Variants in FAM227B observed in about 807,000 individuals in gnomAD.
FAM227B encodes family with sequence similarity 227 member B, also known as protein FAM227B.
FAM227B carries 88 observed loss-of-function variants against 73.8 expected under a neutral mutation model. The ratio of observed to expected loss-of-function variants is 1.19; its 90% CI spans 1.00 to 1.42. The LOEUF (loss-of-function observed/expected upper bound fraction) is 1.42. FAM227B is among the 40% of genes most tolerant of loss of function. The probability of loss-of-function intolerance (pLI) is 0.00; values close to 1 mark genes in which losing one functional copy is unlikely to be tolerated. For synonymous variants in FAM227B, 210 were observed against 190.5 expected (o/e 1.10, Z -0.84); for missense variants, 632 against 590.9 (o/e 1.07, Z -0.72).
At chr15:49,394,849 T>A (rs1398650105) in intron 11 of FAM227B, among the ~76,000 whole-genome samples, 1 of 152,184 alleles carries the variant, frequency 6.6e-6, no homozygotes, top group African/African-American at 2.4e-5. Flanking sequence ...TTGTTCCATT[T>A]GTACCTTCAC....
At chr15:49,393,076 G>T (rs2151580635) in intron 11 of FAM227B, among the ~76,000 whole-genome samples, 1 of 152,272 alleles carries the variant, frequency 6.6e-6, no homozygotes, top group Non-Finnish European at 1.5e-5. Context: ...GTATAAAGTG[G>T]AGTATTTTTA....
At chr15:49,531,238 T>C (rs1271654820) in intron 10 of FAM227B, among the ~76,000 whole-genome samples, 2 of 151,922 alleles carry the variant, frequency 1.3e-5, no homozygotes, top group Non-Finnish European at 2.9e-5. Flanking sequence ...TTCATGTATA[T>C]ATGTCTGTGT....
chr15:49,345,313 T>C (rs1425745828), intron 13 of FAM227B, among the ~76,000 whole-genome samples: 3 of 152,206 alleles, frequency 2.0e-5, no homozygotes, highest in Non-Finnish European at 4.4e-5. Context: ...GTCATTCTAA[T>C]TGTAAAATTT....
intron 9 of FAM227B, among the ~76,000 whole-genome samples, chr15:49,554,246 G>T (rs2073389061): frequency 6.6e-6 from 1 of 152,116 alleles, no homozygotes; most frequent in Admixed American, 6.5e-5. Flanking sequence ...AGAGCTGTGA[G>T]CTGTGCAGCC....
Position 49,500,066 on chromosome 15 carries a change from A to G in FAM227B, c.1012+8145T>C, listed in dbSNP as rs117853982. On this transcript the variant is annotated intron_variant, in intron 11 of 15. Transcript: ENST00000299338. ...TAAGAAATGAAAGGGCAAGCAACAT[A>G]CTGGGAGAAAATATTTGTAAAATAT... Among the ~76,000 whole-genome samples the G allele has an allele frequency of 3.7e-3, 571 of 152,350 alleles. 1 individual carries two copies. The highest frequency in any genetic ancestry group is 5.8e-3 in the Non-Finnish European group (392 of 68,032).
intron 13 of FAM227B, among the ~76,000 whole-genome samples, chr15:49,358,113 A>T (rs541039610): frequency 6.6e-6 from 1 of 152,004 alleles, no homozygotes; most frequent in East Asian, 1.9e-4. Flanking sequence ...TATCTATGAC[A>T]AACCCACAGC....
chr15:49,595,781 T>C (rs956372424), intron 3 of FAM227B, among the ~76,000 whole-genome samples: 1 of 150,486 alleles, frequency 6.6e-6, no homozygotes, highest in Non-Finnish European at 1.5e-5. Flanking sequence ...AATCACAAAT[T>C]CTGGAATGAA....
chr15:49,441,631 A>G (rs1198753953), intron 11 of FAM227B, among the ~76,000 whole-genome samples: 3 of 151,644 alleles, frequency 2.0e-5, no homozygotes, highest in Non-Finnish European at 3.0e-5. Flanking sequence ...CTGATTCACC[A>G]CAGCAGTACT....
intron 10 of FAM227B, among the ~76,000 whole-genome samples, chr15:49,526,635 T>C (rs749962856): frequency 5.9e-5 from 9 of 152,132 alleles, no homozygotes; most frequent in Non-Finnish European, 1.2e-4. Flanking sequence ...AGAAACAAGA[T>C]TGATAGACCA....
chr15:49,391,242 A>G (rs1315697058), intron 11 of FAM227B, among the ~76,000 whole-genome samples: 1 of 152,058 alleles, frequency 6.6e-6, no homozygotes, highest in East Asian at 1.9e-4. Flanking sequence ...TTATTCACAC[A>G]TTTCTTTAAG....
At chr15:49,365,537 A>G in intron 13 of FAM227B, 1 of 860,092 alleles carries the variant, frequency 1.2e-6, no homozygotes, top group South Asian at 1.3e-5. Flanking sequence ...ACTACTGGCA[A>G]TGTTTCAGTA....
At chr15:49,469,266 G>T (rs2054528441) in intron 11 of FAM227B, among the ~76,000 whole-genome samples, 1 of 151,932 alleles carries the variant, frequency 6.6e-6, no homozygotes, top group African/African-American at 2.4e-5. Flanking sequence ...AACATTTCTT[G>T]GTTAGAGATA....
chr15:49,335,560 T>G, intron 13 of FAM227B, 64 bp from the exon 14 acceptor site: 1 of 1,214,132 alleles, frequency 8.2e-7, no homozygotes. Flanking sequence ...AACAGTACCC[T>G]TCACAGAGGA....
intron 10 of FAM227B, among the ~76,000 whole-genome samples, chr15:49,511,234 G>A (rs903103195): frequency 6.6e-6 from 1 of 152,012 alleles, no homozygotes; most frequent in Non-Finnish European, 1.5e-5. Context: ...ATTTGAGATG[G>A]ATGCTTAAAC....
At chr15:49,583,786 C>T (rs1380889634) in intron 5 of FAM227B, among the ~76,000 whole-genome samples, 6 of 152,086 alleles carry the variant, frequency 3.9e-5, no homozygotes, top group Admixed American at 3.3e-4. Flanking sequence ...TTCCTGGACA[C>T]ATATACCCTC....
At chr15:49,416,053 C>G (rs528525729) in intron 11 of FAM227B, among the ~76,000 whole-genome samples, 65 of 152,174 alleles carry the variant, frequency 4.3e-4, no homozygotes, top group African/African-American at 1.6e-3. Flanking sequence ...CCCTGCCTAC[C>G]TCTTCAGGTT....
At chr15:49,373,680 T>C (rs2045982934) in intron 11 of FAM227B, among the ~76,000 whole-genome samples, 2 of 152,176 alleles carry the variant, frequency 1.3e-5, no homozygotes, top group Admixed American at 1.3e-4. Flanking sequence ...TTAGAGATGT[T>C]ATCCCCTCTA....
At chr15:49,528,268 A>C (rs530801081) in intron 10 of FAM227B, among the ~76,000 whole-genome samples, 3 of 152,046 alleles carry the variant, frequency 2.0e-5, no homozygotes, top group Non-Finnish European at 2.9e-5. Flanking sequence ...CTATTCAATA[A>C]ATGGTGCTGG....
At position 49,496,498 on chromosome 15, in the gene FAM227B, C is replaced by T. The variant is rs528793982; in HGVS notation, c.1012+11713G>A. ...TAGTCTTGTAAATAATCTAACAATACACTGCTTAAGAGGAGCTGGCTTATA... is the reference window on the plus strand; with the variant it reads ...TAGTCTTGTAAATAATCTAACAATATACTGCTTAAGAGGAGCTGGCTTATA... On this transcript the variant is annotated intron_variant, in intron 11 of 15. Coordinates refer to ENST00000299338, the MANE Select transcript of FAM227B (RefSeq NM_152647.3). 3.3e-5 allele frequency among the ~76,000 whole-genome samples: 5 copies of T among 152,210 alleles called. No individual in the cohort carries two copies. In the South Asian group the frequency reaches 1.0e-3, roughly 32 times the overall value.
Sources: allele counts gnomAD v4.1 joint callset (sites outside exome capture counted in the v4.1 genomes callset), GRCh38; gene constraint gnomAD v4.1.1; transcripts MANE v1.5; gene names NCBI Gene and HGNC (gene_info 2026-07-23, HGNC 2026-07-21).